Variants in L3MBTL3 observed in about 807,000 individuals in gnomAD.
L3MBTL3 encodes L3MBTL histone methyl-lysine binding protein 3.
In L3MBTL3, 27 loss-of-function variants were observed where a neutral mutation model predicts 102.3. The observed-to-expected ratio is 0.26, with a 90% CI of 0.19 to 0.36. L3MBTL3 has a LOEUF of 0.36. Among genes scored for constraint, L3MBTL3 ranks in the 10% least tolerant of loss-of-function variants. The pLI, the probability that L3MBTL3 is intolerant of heterozygous loss-of-function variation, is 1.00. For synonymous variants in L3MBTL3, 340 were observed against 320.9 expected (o/e 1.06, Z -0.64); for missense variants, 798 against 955.3 (o/e 0.84, Z 2.17).
At position 130,089,584 on chromosome 6, in the gene L3MBTL3, T is replaced by C. The variant is rs146924783; in HGVS notation, c.1519-3161T>C. 3.5e-3 allele frequency among the ~76,000 whole-genome samples: 526 copies of C among 152,292 alleles called. 2 individuals are homozygous for C. The highest frequency in any genetic ancestry group is 5.9e-3 in the Non-Finnish European group (404 of 68,012). ...TATAATCCTTTGGGTATATATCCAG[T>C]AATGAGATCACTGGGTCAAATGGTA... On this transcript the variant is annotated intron_variant, in intron 16 of 22. Coordinates refer to ENST00000361794, the MANE Select transcript of L3MBTL3 (RefSeq NM_032438.4).
chr6:130,095,765 G>T lies in L3MBTL3; in HGVS notation c.1736+1398G>T, dbSNP rs556752175. 3.4e-4 allele frequency among the ~76,000 whole-genome samples: 52 copies of T among 152,258 alleles called. 2 individuals carry two copies. The South Asian group carries it at 0.01, about 30-fold the overall frequency. Reference sequence around the variant, plus strand: ...GGCTTTCTTGCTGCGGAAGGTAGAGGGCAAGAGAGCATGTGTGAGAGAGCT... The same window carrying T: ...GGCTTTCTTGCTGCGGAAGGTAGAGTGCAAGAGAGCATGTGTGAGAGAGCT... On this transcript the variant is annotated intron_variant, in intron 18 of 22. Transcript: ENST00000361794.
At chr6:130,086,280 G>C in intron 16 of L3MBTL3, 30 bp downstream of exon 16, 1 of 1,416,744 alleles carries the variant, frequency 7.1e-7, no homozygotes. Context: ...GGTTGGCTTT[G>C]TCTTTTGTTA....
Position 130,139,828 on chromosome 6 carries a change from A to G in L3MBTL3, c.*75A>G, listed in dbSNP as rs1327646772. 7.1e-7 allele frequency: 1 copy of G among 1,411,978 alleles called. No individual in the cohort carries two copies. Among genetic ancestry groups the G allele is most frequent in the East Asian group, 2.3e-5 (1 of 43,064 alleles). 87.5% of individuals were successfully genotyped at this position (1,411,978 alleles called of 1,614,324 possible). On this transcript the variant is annotated 3_prime_UTR_variant, in exon 23 of 23. Coordinates refer to ENST00000361794, the MANE Select transcript of L3MBTL3 (RefSeq NM_032438.4). Reference sequence around the variant, plus strand: ...TTATTCAAAGCACAAGGACGGTTATAACTCCTAAGTGAGAAGTCTCCAAAA... The same window carrying G: ...TTATTCAAAGCACAAGGACGGTTATGACTCCTAAGTGAGAAGTCTCCAAAA...
At chr6:130,097,484 T>C (rs1236517638) in intron 18 of L3MBTL3, among the ~76,000 whole-genome samples, 1 of 152,192 alleles carries the variant, frequency 6.6e-6, no homozygotes, top group African/African-American at 2.4e-5. Flanking sequence ...ATTACAGTGT[T>C]TGAATTTGAT....
chr6:130,111,307 A>G (rs143895850), intron 19 of L3MBTL3, among the ~76,000 whole-genome samples: 10 of 152,330 alleles, frequency 6.6e-5, no homozygotes, highest in Admixed American at 5.2e-4. Context: ...AGCCCACCAT[A>G]GGGATGAGGG....
Position 130,092,748 on chromosome 6 carries a change from C to A in L3MBTL3, c.1522C>A (p.His508Asn), listed in dbSNP as rs1338657326. ...TTAATGTCCTTGTGTCATCCAGGTTCACTTTGATGGCTGGAACAATTGCTA... is the reference window on the plus strand; with the variant it reads ...TTAATGTCCTTGTGTCATCCAGGTTAACTTTGATGGCTGGAACAATTGCTA... ...ADTDDHRVKV[H>N]FDGWNNCYDY... Residue 508 changes from histidine to asparagine, a missense_variant, in exon 17 of 23, where the codon CAC (histidine) becomes AAC (asparagine). This residue lies in a region of L3MBTL3 where 306 missense variants were observed against 314.4 expected (regional missense o/e 0.97). Transcript: ENST00000361794. 2 of 1,600,512 alleles carry A rather than the reference C, an allele frequency of 1.2e-6. No individual in the cohort carries two copies. The highest frequency in any genetic ancestry group is 1.1e-5 in the South Asian group (1 of 90,736).
chr6:130,047,615 A>C (rs1046132678), intron 3 of L3MBTL3, among the ~76,000 whole-genome samples: 2 of 152,238 alleles, frequency 1.3e-5, no homozygotes, highest in Admixed American at 1.3e-4. Context: ...TCAGTGACAT[A>C]TGATAAAAGT....
At chr6:130,123,473 T>C (rs1786379621) in intron 20 of L3MBTL3, among the ~76,000 whole-genome samples, 1 of 152,188 alleles carries the variant, frequency 6.6e-6, no homozygotes, top group Non-Finnish European at 1.5e-5. Context: ...TTGAGAATTA[T>C]TGCACATATT....
intron 18 of L3MBTL3, among the ~76,000 whole-genome samples, chr6:130,102,023 G>A (rs1000385363): frequency 2.0e-5 from 3 of 151,892 alleles, no homozygotes; most frequent in African/African-American, 7.3e-5. Flanking sequence ...ATCTCTGCTT[G>A]GATGTCTAAT....
At chr6:130,077,572 A>G (rs2115058397) in intron 13 of L3MBTL3, among the ~76,000 whole-genome samples, 1 of 152,340 alleles carries the variant, frequency 6.6e-6, no homozygotes, top group East Asian at 1.9e-4. Context: ...ACAATGTATT[A>G]TTGTCCCAGG....
intron 16 of L3MBTL3, among the ~76,000 whole-genome samples, chr6:130,087,855 C>G (rs1452177556): frequency 2.7e-5 from 4 of 150,090 alleles, no homozygotes; most frequent in Non-Finnish European, 5.9e-5. Context: ...TTTTTTTTTA[C>G]AAGCATACAT....
chr6:130,046,034 G>A (rs765382301), intron 3 of L3MBTL3, among the ~76,000 whole-genome samples: 2 of 152,200 alleles, frequency 1.3e-5, no homozygotes, highest in African/African-American at 2.4e-5. Flanking sequence ...ACAGGGAGGT[G>A]ACTAAGTGGC....
chr6:130,106,766 C>A (rs1291248705), intron 19 of L3MBTL3, among the ~76,000 whole-genome samples: 1 of 152,180 alleles, frequency 6.6e-6, no homozygotes, highest in African/African-American at 2.4e-5. Context: ...GGTCAAAGAG[C>A]CCTTCTCCCT....
intron 10 of L3MBTL3, among the ~76,000 whole-genome samples, chr6:130,063,868 T>C (rs560520859): frequency 7.9e-5 from 12 of 152,320 alleles, no homozygotes; most frequent in Admixed American, 6.5e-4. Flanking sequence ...AAGACACTTA[T>C]TCCCAGTACG....
At chr6:130,025,365 T>C (rs555624970) in intron 2 of L3MBTL3, among the ~76,000 whole-genome samples, 1 of 152,308 alleles carries the variant, frequency 6.6e-6, no homozygotes, top group Admixed American at 6.5e-5. Flanking sequence ...ATTAAATTAT[T>C]TCATTGGTGG....
chr6:130,036,179 A>G (rs187779026), intron 2 of L3MBTL3, among the ~76,000 whole-genome samples: 2 of 152,356 alleles, frequency 1.3e-5, no homozygotes, highest in Admixed American at 6.5e-5. Flanking sequence ...ACACATTTAC[A>G]GAGGGTGACA....
intron 17 of L3MBTL3, among the ~76,000 whole-genome samples, chr6:130,093,194 G>A (rs1784164674): frequency 6.6e-6 from 1 of 152,124 alleles, no homozygotes; most frequent in Admixed American, 6.6e-5. Context: ...AATTTTATAT[G>A]ATAGCTTTGC....
At position 130,049,770 on chromosome 6, in the gene L3MBTL3, C is replaced by T. The variant is rs778350187; in HGVS notation, c.229C>T (p.Pro77Ser). 1 of 1,614,138 alleles carries T rather than the reference C, an allele frequency of 6.2e-7. No individual in the cohort carries two copies. The highest frequency in any genetic ancestry group is 8.5e-7 in the Non-Finnish European group (1 of 1,179,986). The change falls in exon 5 of 23, where the codon CCG becomes TCG. Residue 77 changes from proline to serine, a missense_variant. Coordinates refer to ENST00000361794, the MANE Select transcript of L3MBTL3 (RefSeq NM_032438.4). Reference protein sequence around the residue: ...PTAQEAPTSPPSSRPVFPPAY... With the variant: ...PTAQEAPTSPSSSRPVFPPAY... ...TACATCTCCAGCCCCGACCTCTCCC[C>T]CGAGCTCCAGGCCCGTATTTCCACC...
At chr6:130,129,081 G>T (rs1217846473) in intron 20 of L3MBTL3, among the ~76,000 whole-genome samples, 1 of 152,082 alleles carries the variant, frequency 6.6e-6, no homozygotes, top group East Asian at 1.9e-4. Context: ...TGGTGGTGCT[G>T]TGTTCTAAGA....
Sources: allele counts gnomAD v4.1 joint callset (sites outside exome capture counted in the v4.1 genomes callset), GRCh38; gene constraint gnomAD v4.1.1; regional missense constraint gnomAD v4.1.1; transcripts MANE v1.5; gene names NCBI Gene and HGNC (gene_info 2026-07-23, HGNC 2026-07-21).